Variants in ART3 observed in about 807,000 individuals in gnomAD.
ART3 encodes the protein ADP-ribosyltransferase 3 (inactive).
A neutral mutation model predicts 48.5 loss-of-function variants in ART3; 49 were observed. That is an observed-to-expected ratio of 1.01 (90% CI 0.80 to 1.28). The LOEUF (loss-of-function observed/expected upper bound fraction) is 1.28. Ranked by LOEUF, ART3 falls within the 50% of genes most tolerant of loss-of-function variation. ART3 has a pLI of 0.00. For missense variants in ART3, 438 were observed against 454.3 expected, an observed-to-expected ratio of 0.96 and a Z score of 0.33; for synonymous variants, 145 against 157.2, an observed-to-expected ratio of 0.92 and a Z score of 0.58.
chr4:76,074,575 A>C (rs1246333770), upstream of ART3: 3 of 152,352 alleles, frequency 2.0e-5, no homozygotes, highest in East Asian at 5.8e-4. Flanking sequence ...GGAGATTTAA[A>C]GTGTTAACAG....
At chr4:76,041,926 G>C (rs1735011437) in intron 1 of ART3, among the ~76,000 whole-genome samples, 2 of 151,976 alleles carry the variant, frequency 1.3e-5, no homozygotes, top group Non-Finnish European at 2.9e-5. Flanking sequence ...CTTTTTCTTT[G>C]ATTAAATGCA....
intron 1 of ART3, 55 bp from the exon 2 acceptor site, chr4:76,075,826 T>C: frequency 7.3e-7 from 1 of 1,376,076 alleles, no homozygotes; most frequent in Non-Finnish European, 1.0e-6. Context: ...CTATTCTACT[T>C]CCCTACACCT....
At chr4:76,110,100 A>G (rs1729195391) in intron 11 of ART3, among the ~76,000 whole-genome samples, 2 of 121,596 alleles carry the variant, frequency 1.6e-5, no homozygotes, top group African/African-American at 7.3e-5. Flanking sequence ...GTATGGAGGG[A>G]AAAACATTTA....
At chr4:76,035,951 T>C in intron 1 of ART3, 1 of 1,613,928 alleles carries the variant, frequency 6.2e-7, no homozygotes, top group Non-Finnish European at 8.5e-7. Flanking sequence ...GCACACAATA[T>C]CACAGCCAAG....
At chr4:76,097,618 A>T in intron 3 of ART3, 26 bp from the exon 4 acceptor site, 1 of 1,586,960 alleles carries the variant, frequency 6.3e-7, no homozygotes, top group Non-Finnish European at 8.7e-7. Flanking sequence ...ATGTCTAACT[A>T]ATAAAGCTTT....
At chr4:76,035,459 C>A in intron 1 of ART3, 1 of 1,000,930 alleles carries the variant, frequency 1.0e-6, no homozygotes, top group South Asian at 1.7e-5. Context: ...AGTAATTTGT[C>A]AAATAGCACT....
intron 1 of ART3, among the ~76,000 whole-genome samples, chr4:76,014,258 TC>T (rs1299046446): frequency 6.6e-6 from 1 of 151,994 alleles, no homozygotes; most frequent in Non-Finnish European, 1.5e-5. Flanking sequence ...AAATCAGCTG[TC>T]TTAAATATAC....
chr4:76,051,365 G>A (rs1003395105), intron 1 of ART3, among the ~76,000 whole-genome samples: 9 of 151,978 alleles, frequency 5.9e-5, no homozygotes, highest in Non-Finnish European at 1.3e-4. Flanking sequence ...TAAAATACCC[G>A]TCCCAGAAAT....
intron 3 of ART3, among the ~76,000 whole-genome samples, chr4:76,090,164 C>A (rs888711693): frequency 6.6e-6 from 1 of 152,174 alleles, no homozygotes; most frequent in African/African-American, 2.4e-5. Context: ...GATCTAATGG[C>A]AGGTCAGCCA....
intron 1 of ART3, among the ~76,000 whole-genome samples, chr4:76,075,045 C>T (rs10019066): frequency 0.21 from 31,386 of 152,056 alleles, 5,519 homozygotes; most frequent in African/African-American, 0.48. Context: ...ATATGGGAAA[C>T]TGAGGCCAAA....
Position 76,034,812 on chromosome 4 carries a change from A to G in ART3, c.-10+23492A>G, listed in dbSNP as rs748850682. On this transcript the variant is annotated intron_variant, in intron 1 of 9. Transcript: ENST00000341029. ...ATATTTTTAAAAATTCTTTCTTTCAACTTTCTGGAATAAGAAAACAAGAGT... is the reference window on the plus strand; with the variant it reads ...ATATTTTTAAAAATTCTTTCTTTCAGCTTTCTGGAATAAGAAAACAAGAGT... The G allele has an allele frequency of 1.7e-5, 27 of 1,554,874 alleles. No homozygotes were observed. The Admixed American group carries it at 1.9e-4, about 11-fold the overall frequency.
intron 1 of ART3, among the ~76,000 whole-genome samples, chr4:76,019,995 A>G (rs922571844): frequency 6.6e-6 from 1 of 152,164 alleles, no homozygotes; most frequent in African/African-American, 2.4e-5. Flanking sequence ...AGTGGTGTGA[A>G]ATGTTATTTC....
At chr4:76,037,634 T>C (rs1465660396) in intron 1 of ART3, among the ~76,000 whole-genome samples, 1 of 152,118 alleles carries the variant, frequency 6.6e-6, no homozygotes, top group Non-Finnish European at 1.5e-5. Flanking sequence ...TGCTTGGCCT[T>C]CCTTAAGTAA....
intron 9 of ART3, chr4:76,104,297 C>G: frequency 1.1e-6 from 1 of 948,794 alleles, no homozygotes; most frequent in Non-Finnish European, 1.3e-6. Flanking sequence ...CCTACCTTTA[C>G]GCACAAGTTG....
At chr4:76,013,450 C>A (rs1249878697) in intron 1 of ART3, among the ~76,000 whole-genome samples, 1 of 152,146 alleles carries the variant, frequency 6.6e-6, no homozygotes, top group Non-Finnish European at 1.5e-5. Context: ...CACACACACA[C>A]CCCTGTGTAT....
chr4:76,101,079 T>G, intron 8 of ART3, 60 bp downstream of exon 8: 2 of 1,586,192 alleles, frequency 1.3e-6, no homozygotes, highest in Non-Finnish European at 1.7e-6. Flanking sequence ...CCTTTACATG[T>G]GGGAACAGGG....
chr4:76,075,434 A>T (rs1336592491), intron 1 of ART3, among the ~76,000 whole-genome samples: 1 of 152,186 alleles, frequency 6.6e-6, no homozygotes, highest in Non-Finnish European at 1.5e-5. Flanking sequence ...AGAAGAATGG[A>T]TAATGTGCAT....
chr4:76,046,617 G>T (rs1735521589), intron 1 of ART3, among the ~76,000 whole-genome samples: 1 of 152,054 alleles, frequency 6.6e-6, no homozygotes, highest in East Asian at 1.9e-4. Context: ...CTTCCAAATT[G>T]TCCTTCCAAT....
chr4:76,061,238 A>G (rs1162856877), intron 1 of ART3, among the ~76,000 whole-genome samples: 1 of 152,156 alleles, frequency 6.6e-6, no homozygotes, highest in African/African-American at 2.4e-5. Context: ...TTTCCCTAAA[A>G]CCTGCTCATA....
Sources: gnomAD v4.1 joint callset for allele counts (sites outside exome capture counted in the v4.1 genomes callset) on GRCh38, gnomAD v4.1.1 for gene constraint, MANE v1.5 for transcripts, NCBI Gene and HGNC (gene_info 2026-07-23, HGNC 2026-07-21) for gene names.